The following HPSE2 variants were observed in gnomAD, a reference collection of about 807,000 sequenced individuals.
The protein encoded by HPSE2 is heparanase 2 (inactive).
HPSE2 carries 38 observed loss-of-function variants against 60.5 expected under a neutral mutation model. The ratio of observed to expected loss-of-function variants is 0.63; its 90% CI spans 0.48 to 0.82. HPSE2 has a LOEUF of 0.82. HPSE2 is among the 40% of genes least tolerant of loss of function. The pLI is 0.00. For missense variants in HPSE2, 713 were observed against 740.4 expected (o/e 0.96, Z 0.43); for synonymous variants, 295 against 293.2 (o/e 1.01, Z -0.06).
intron 9 of HPSE2, among the ~76,000 whole-genome samples, chr10:98,531,277 C>T (rs1943123231): frequency 2.6e-5 from 1 of 38,834 alleles, no homozygotes; most frequent in South Asian, 2.0e-3. Flanking sequence ...TTAACTTGTT[C>T]CAGGAGGAGA....
At chr10:98,662,710 T>C (rs1405500606) in intron 6 of HPSE2, among the ~76,000 whole-genome samples, 1 of 152,140 alleles carries the variant, frequency 6.6e-6, no homozygotes, top group Non-Finnish European at 1.5e-5. Context: ...AAATGAACAA[T>C]TGTCATGCTG....
intron 3 of HPSE2, among the ~76,000 whole-genome samples, chr10:98,976,966 T>C (rs1430094777): frequency 6.6e-6 from 1 of 152,060 alleles, no homozygotes; most frequent in African/African-American, 2.4e-5. Flanking sequence ...ATTGGAGTGA[T>C]GCACCCACAA....
intron 2 of HPSE2, among the ~76,000 whole-genome samples, chr10:99,221,623 A>AT (rs35126429): frequency 6.6e-6 from 1 of 152,176 alleles, no homozygotes; most frequent in Non-Finnish European, 1.5e-5. Flanking sequence ...AGGAGAAAAA[A>AT]CTTGAGCAGG....
intron 9 of HPSE2, among the ~76,000 whole-genome samples, chr10:98,595,164 A>ATTTTTTTT (rs34509249): frequency 2.2e-5 from 2 of 91,688 alleles, no homozygotes; most frequent in African/African-American, 8.0e-5. Flanking sequence ...TATAAATGAG[A>ATTTTTTTT]TTTTTTTTTT....
chr10:99,178,104 G>C (rs956736901), intron 2 of HPSE2, among the ~76,000 whole-genome samples: 1 of 151,882 alleles, frequency 6.6e-6, no homozygotes, highest in African/African-American at 2.4e-5. Context: ...GAATCTCTGG[G>C]ACACAGCTAA....
At chr10:98,539,212 C>G (rs1312401483) in intron 9 of HPSE2, among the ~76,000 whole-genome samples, 1 of 152,190 alleles carries the variant, frequency 6.6e-6, no homozygotes, top group African/African-American at 2.4e-5. Context: ...CAAGGCATGA[C>G]ACTTACCCTT....
chr10:98,955,129 T>G (rs1283112146), intron 3 of HPSE2, among the ~76,000 whole-genome samples: 2 of 151,944 alleles, frequency 1.3e-5, no homozygotes, highest in African/African-American at 4.8e-5. Flanking sequence ...GAAGGAATTT[T>G]AACCTATGGA....
the HPSE2 span, among the ~76,000 whole-genome samples, chr10:99,296,370 C>T: frequency 1.2e-4 from 19 of 152,240 alleles, no homozygotes; most frequent in East Asian, 3.7e-3. Context: ...CCCAACATGC[C>T]GTTTCAATTT....
At chr10:98,482,554 C>T (rs1941280740) in intron 11 of HPSE2, 82 bp downstream of exon 11, 2 of 1,554,864 alleles carry the variant, frequency 1.3e-6, no homozygotes, top group Admixed American at 1.7e-5. Flanking sequence ...AGAGAATTAG[C>T]AGCAACCTTG....
intron 6 of HPSE2, among the ~76,000 whole-genome samples, chr10:98,655,866 C>T (rs1269711010): frequency 6.6e-6 from 1 of 152,094 alleles, no homozygotes; most frequent in African/African-American, 2.4e-5. Context: ...CTTTCTAAGG[C>T]CCTTTCCAGA....
At chr10:98,717,825 T>C (rs1301626384) in intron 5 of HPSE2, among the ~76,000 whole-genome samples, 1 of 152,140 alleles carries the variant, frequency 6.6e-6, no homozygotes, top group Non-Finnish European at 1.5e-5. Context: ...AAACCTTCAA[T>C]TTATAAAAAA....
chr10:98,871,074 G>GGT (rs1447198631), intron 3 of HPSE2, among the ~76,000 whole-genome samples: 2 of 151,988 alleles, frequency 1.3e-5, no homozygotes, highest in Admixed American at 6.6e-5. Flanking sequence ...AGCAGATGCT[G>GGT]GTACTATGCT....
intron 3 of HPSE2, among the ~76,000 whole-genome samples, chr10:98,999,086 C>A (rs1956715514): frequency 6.6e-6 from 1 of 151,916 alleles, no homozygotes; most frequent in African/African-American, 2.4e-5. Flanking sequence ...TGCACTAAAA[C>A]ACTAATGCCA....
At chr10:99,292,043 A>G in the HPSE2 span, among the ~76,000 whole-genome samples, 1 of 152,224 alleles carries the variant, frequency 6.6e-6, no homozygotes, top group African/African-American at 2.4e-5. Context: ...ACAAAAAACT[A>G]GAAACCAGAG....
chr10:99,229,086 A>C (rs1449083739), intron 2 of HPSE2, among the ~76,000 whole-genome samples: 1 of 152,016 alleles, frequency 6.6e-6, no homozygotes, highest in Non-Finnish European at 1.5e-5. Flanking sequence ...GAGGCACGAA[A>C]ATCACTCTAC....
At chr10:98,504,928 T>C (rs1942151157) in intron 9 of HPSE2, among the ~76,000 whole-genome samples, 1 of 152,210 alleles carries the variant, frequency 6.6e-6, no homozygotes, top group Non-Finnish European at 1.5e-5. Flanking sequence ...TATTATTCAG[T>C]GTGTTAGCTT....
intron 3 of HPSE2, among the ~76,000 whole-genome samples, chr10:99,040,861 C>T (rs150960042): frequency 0.016 from 2,460 of 151,956 alleles, 101 homozygotes; most frequent in East Asian, 0.15. Context: ...CCGAGGCGAG[C>T]GGATCACAAG....
chr10:99,072,038 T>A (rs954606104), intron 3 of HPSE2, among the ~76,000 whole-genome samples: 5 of 140,382 alleles, frequency 3.6e-5, no homozygotes, highest in African/African-American at 5.0e-5. Flanking sequence ...TTTTTTTTTT[T>A]AATTGTTTTG....
intron 3 of HPSE2, among the ~76,000 whole-genome samples, chr10:99,073,252 A>G (rs1842855682): frequency 6.6e-6 from 1 of 152,218 alleles, no homozygotes; most frequent in Non-Finnish European, 1.5e-5. Flanking sequence ...TAGACTGGAC[A>G]AAGAAAATGT....
Sources: gnomAD v4.1 joint callset for allele counts (sites outside exome capture counted in the v4.1 genomes callset) on GRCh38, gnomAD v4.1.1 for gene constraint, MANE v1.5 for transcripts, NCBI Gene and HGNC (gene_info 2026-07-23, HGNC 2026-07-21) for gene names.